The following LRFN5 variants were observed in gnomAD, a reference collection of about 807,000 sequenced individuals.
LRFN5 encodes the protein leucine-rich repeat and fibronectin type-III domain-containing protein 5.
A neutral mutation model predicts 45.6 loss-of-function variants in LRFN5; 24 were observed. The ratio of observed to expected loss-of-function variants is 0.53; its 90% CI spans 0.38 to 0.74. The LOEUF (loss-of-function observed/expected upper bound fraction) is 0.74, where lower values mean the gene tolerates loss of function less well. Ranked by LOEUF, LRFN5 falls within the 30% of genes least tolerant of loss-of-function variation. LRFN5 has a pLI of 0.00. For missense variants in LRFN5, 776 were observed against 861.5 expected, an observed-to-expected ratio of 0.90 and a Z score of 1.24; for synonymous variants, 340 against 313.8, an observed-to-expected ratio of 1.08 and a Z score of -0.88.
chr14:41,630,306 T>C (rs1319005369), intron 1 of LRFN5, among the ~76,000 whole-genome samples: 1 of 152,188 alleles, frequency 6.6e-6, no homozygotes, highest in Non-Finnish European at 1.5e-5. Context: ...AGACTTTTTT[T>C]CAGTTTTGTA....
intron 2 of LRFN5, among the ~76,000 whole-genome samples, chr14:41,791,205 A>G (rs945963748): frequency 3.9e-5 from 6 of 152,014 alleles, no homozygotes; most frequent in African/African-American, 7.2e-5. Flanking sequence ...ATTTTGGAAA[A>G]CATTCCAACT....
chr14:41,836,883 A>G (rs987245001), intron 2 of LRFN5, among the ~76,000 whole-genome samples: 3 of 152,082 alleles, frequency 2.0e-5, no homozygotes, highest in African/African-American at 4.8e-5. Flanking sequence ...GGAGTGAGGA[A>G]GATAGTAGCA....
intron 1 of LRFN5, among the ~76,000 whole-genome samples, chr14:41,608,932 T>C (rs1887617084): frequency 6.6e-6 from 1 of 152,214 alleles, no homozygotes; most frequent in Non-Finnish European, 1.5e-5. Context: ...TTGTGAAGTG[T>C]GAGTGGGTGT....
At chr14:41,860,241 A>C (rs1428458002) in intron 2 of LRFN5, among the ~76,000 whole-genome samples, 1 of 152,228 alleles carries the variant, frequency 6.6e-6, no homozygotes, top group Non-Finnish European at 1.5e-5. Flanking sequence ...AAATCTTTTC[A>C]TACTTTATGC....
At chr14:41,612,201 A>AGGT (rs1887781186) in intron 1 of LRFN5, among the ~76,000 whole-genome samples, 1 of 152,130 alleles carries the variant, frequency 6.6e-6, no homozygotes, top group African/African-American at 2.4e-5. Context: ...AGATGCTTGC[A>AGGT]GGTATCTAAC....
chr14:41,651,050 C>T (rs1163604879), intron 1 of LRFN5, among the ~76,000 whole-genome samples: 2 of 151,968 alleles, frequency 1.3e-5, no homozygotes, highest in African/African-American at 4.8e-5. Flanking sequence ...ATGAAATAAG[C>T]ATGTTTTAAT....
intron 2 of LRFN5, among the ~76,000 whole-genome samples, chr14:41,774,447 G>A (rs1886204464): frequency 6.6e-6 from 1 of 152,076 alleles, no homozygotes; most frequent in Non-Finnish European, 1.5e-5. Context: ...GCTTCTTTTA[G>A]GATAATTCAT....
intron 1 of LRFN5, among the ~76,000 whole-genome samples, chr14:41,706,471 A>G (rs924752146): frequency 4.6e-5 from 7 of 152,134 alleles, no homozygotes; most frequent in Admixed American, 1.3e-4. Context: ...TTATTCTTCA[A>G]TGGAATAGAT....
At chr14:41,772,361 AT>A (rs1886121837) in intron 2 of LRFN5, among the ~76,000 whole-genome samples, 1 of 152,212 alleles carries the variant, frequency 6.6e-6, no homozygotes, top group Non-Finnish European at 1.5e-5. Context: ...ATCCTTAGGT[AT>A]ATACTTCACT....
chr14:41,805,977 A>G (rs192666103), intron 2 of LRFN5, among the ~76,000 whole-genome samples: 6 of 152,272 alleles, frequency 3.9e-5, no homozygotes, highest in African/African-American at 1.4e-4. Flanking sequence ...AGACAGACCT[A>G]CAGATCTGCA....
At chr14:41,643,382 G>A (rs974735695) in intron 1 of LRFN5, among the ~76,000 whole-genome samples, 1 of 152,114 alleles carries the variant, frequency 6.6e-6, no homozygotes, top group Non-Finnish European at 1.5e-5. Context: ...GCAATATCCT[G>A]TGGAGATATT....
chr14:41,835,418 G>A (rs779718742), intron 2 of LRFN5, among the ~76,000 whole-genome samples: 54 of 152,202 alleles, frequency 3.5e-4, no homozygotes, highest in Non-Finnish European at 6.9e-4. Flanking sequence ...AATTTGAGCA[G>A]ATGCTTATGT....
intron 1 of LRFN5, among the ~76,000 whole-genome samples, chr14:41,665,764 CA>C (rs1880867587): frequency 1.3e-5 from 2 of 151,878 alleles, no homozygotes; most frequent in Non-Finnish European, 2.9e-5. Flanking sequence ...TTAAAGTGCT[CA>C]CTTCAATTTT....
intron 2 of LRFN5, among the ~76,000 whole-genome samples, chr14:41,815,434 A>G (rs1439732379): frequency 6.6e-6 from 1 of 152,144 alleles, no homozygotes; most frequent in African/African-American, 2.4e-5. Context: ...CTGGTTTTGT[A>G]TTTAAAGTGG....
At chr14:41,772,008 G>A (rs932626928) in intron 2 of LRFN5, among the ~76,000 whole-genome samples, 7 of 152,200 alleles carry the variant, frequency 4.6e-5, no homozygotes, top group Admixed American at 3.9e-4. Flanking sequence ...GCTGTAGGAA[G>A]TATGGCGTCA....
At chr14:41,808,082 A>G (rs569897302) in intron 2 of LRFN5, among the ~76,000 whole-genome samples, 36 of 150,420 alleles carry the variant, frequency 2.4e-4, no homozygotes, top group Middle Eastern at 3.4e-3. Flanking sequence ...GCTTGTCTAC[A>G]TATTTGCACT....
rs1238247409 is a variant in LRFN5 at position 41,891,352 on chromosome 14, C to A, written c.1488C>A (p.Ser496=). The A allele has an allele frequency of 6.2e-7, 1 of 1,614,086 alleles. No homozygotes were observed. The highest frequency in any genetic ancestry group is 1.7e-5 in the Admixed American group (1 of 60,016). The stretch of plus-strand genomic sequence containing the variant: ...CCATATATGATGATGGCATCACTTC[C>A]CTCACTGCCACAAGAGTCGTGGGTT... ...VLAIYDDGIT[S]LTATRVVGCI... Residue 496 remains serine, a synonymous_variant, in exon 4 of 6, where the codon TCC becomes TCA. Coordinates refer to ENST00000298119, the MANE Select transcript of LRFN5 (RefSeq NM_152447.5).
At chr14:41,736,001 A>G (rs907847337) in intron 1 of LRFN5, among the ~76,000 whole-genome samples, 2 of 152,158 alleles carry the variant, frequency 1.3e-5, no homozygotes, top group African/African-American at 4.8e-5. Context: ...TAACCAGTCT[A>G]TCATTGATGG....
rs142299383 is a variant in LRFN5, at chr14:41,832,390, G to A, written c.-20-54216G>A. ...TAATTATAGTAGCAATACAATATTCGGTCACTGGCATAAGGGGCACAAAGC... is the reference window on the plus strand; with the variant it reads ...TAATTATAGTAGCAATACAATATTCAGTCACTGGCATAAGGGGCACAAAGC... On this transcript the variant is annotated intron_variant, in intron 2 of 5. Coordinates refer to ENST00000298119, the MANE Select transcript of LRFN5 (RefSeq NM_152447.5). 2.8e-3 allele frequency among the ~76,000 whole-genome samples: 423 copies of A among 152,100 alleles called. 1 individual carries two copies. Among genetic ancestry groups the A allele is most frequent in the African/African-American group, 9.9e-3 (412 of 41,474 alleles).
Sources: gnomAD v4.1 joint callset for allele counts (sites outside exome capture counted in the v4.1 genomes callset) on GRCh38, gnomAD v4.1.1 for gene constraint, MANE v1.5 for transcripts, NCBI Gene and HGNC (gene_info 2026-07-23, HGNC 2026-07-21) for gene names.